The following SLC24A4 variants were observed in gnomAD, a reference collection of about 807,000 sequenced individuals.
SLC24A4 encodes the protein solute carrier family 24 member 4, also known as sodium/potassium/calcium exchanger 4.
Under a neutral mutation model 79.0 loss-of-function variants are expected in SLC24A4, and 53 were observed. The ratio of observed to expected loss-of-function variants is 0.67; its 90% CI spans 0.54 to 0.84. The LOEUF (loss-of-function observed/expected upper bound fraction) is 0.84, where lower values mean the gene tolerates loss of function less well. Ranked by LOEUF, SLC24A4 falls within the 40% of genes least tolerant of loss-of-function variation. The pLI is 0.00. For missense variants in SLC24A4, 731 were observed against 822.0 expected (o/e 0.89, Z 1.35); for synonymous variants, 323 against 323.8 (o/e 1.00, Z 0.03).
chr14:92,449,281 TACACAC>T (rs36228701), intron 10 of SLC24A4, 65 bp downstream of exon 10: 90,067 of 861,148 alleles, frequency 0.1, 1,190 homozygotes, highest in East Asian at 0.2. Flanking sequence ...CTCTTTTGTG[TACACAC>T]ACACACACAC....
intron 12 of SLC24A4, among the ~76,000 whole-genome samples, chr14:92,460,891 C>G (rs1893761739): frequency 6.6e-6 from 1 of 152,196 alleles, no homozygotes; most frequent in Admixed American, 6.5e-5. Context: ...TCGGTGCCCA[C>G]CTGGCCTGAT....
intron 2 of SLC24A4, among the ~76,000 whole-genome samples, chr14:92,405,994 T>G (rs1890353239): frequency 6.6e-6 from 1 of 152,212 alleles, no homozygotes; most frequent in African/African-American, 2.4e-5. Flanking sequence ...CCCTTCTGCC[T>G]ATGAGCCTGT....
At chr14:92,487,014 T>C (rs552938155) in intron 14 of SLC24A4, among the ~76,000 whole-genome samples, 1 of 152,094 alleles carries the variant, frequency 6.6e-6, no homozygotes, top group Non-Finnish European at 1.5e-5. Context: ...GCTAGTGTGG[T>C]TGTATAAAAA....
Position 92,323,867 on chromosome 14 carries a change from C to A in SLC24A4, c.37C>A (p.Arg13Ser). 1 of 1,600,724 alleles carries A rather than the reference C, an allele frequency of 6.2e-7. No individual in the cohort carries two copies. The highest frequency in any genetic ancestry group is 8.5e-7 in the Non-Finnish European group (1 of 1,178,652). Residue 13 changes from arginine (R) to serine (S), a missense_variant, in exon 1 of 17, where the codon CGC becomes AGC. Physicochemically the swap from Arg to Ser is moderately radical, Grantham distance 110. Transcript: ENST00000532405. This position sits in a 1 kb window ranked among gnomAD's most constrained non-coding sequence, Gnocchi z 4.9. ...CGGGACCCTCCGGCCGCTCAAAGTT[C>A]GCAGGAGGCGAGAGATGCTGCCGCA... ...LRGTLRPLKVRRRREMLPQQV... is the reference protein window; with the variant it reads ...LRGTLRPLKVSRRREMLPQQV...
intron 2 of SLC24A4, among the ~76,000 whole-genome samples, chr14:92,340,725 G>T (rs568988442): frequency 6.6e-6 from 1 of 152,224 alleles, no homozygotes; most frequent in East Asian, 1.9e-4. Flanking sequence ...TTCACCATCA[G>T]AAGCACAACC....
At position 92,447,544 on chromosome 14, in the gene SLC24A4, G is replaced by T. The variant is rs570443433; in HGVS notation, c.737+120G>T. ...TCTTTGTCCTTTTAGGCCAGCCCCA[G>T]CTCTCTGGTAGACACCCTGCTGGGG... On this transcript the variant is annotated intron_variant, in intron 9 of 16. Coordinates refer to ENST00000532405, the MANE Select transcript of SLC24A4 (RefSeq NM_153646.4). The T allele has an allele frequency of 1.2e-4, 114 of 957,680 alleles. No homozygotes were observed. The East Asian group carries it at 2.8e-3, about 24-fold the overall frequency. 59.3% of individuals were successfully genotyped at this position (957,680 alleles called of 1,614,324 possible).
chr14:92,350,305 G>A (rs755674114), intron 2 of SLC24A4, among the ~76,000 whole-genome samples: 3 of 152,152 alleles, frequency 2.0e-5, no homozygotes, highest in Admixed American at 6.5e-5. Flanking sequence ...CTATACAGAT[G>A]TACAACCCTC....
At chr14:92,492,619 GTCC>G (rs1457464521) in intron 16 of SLC24A4, among the ~76,000 whole-genome samples, 1 of 152,112 alleles carries the variant, frequency 6.6e-6, no homozygotes, top group Non-Finnish European at 1.5e-5. Context: ...TACCCTACAT[GTCC>G]AGGTCTGTGC....
chr14:92,334,372 TACAA>T (rs1045300534), intron 2 of SLC24A4, among the ~76,000 whole-genome samples: 3 of 152,092 alleles, frequency 2.0e-5, no homozygotes, highest in African/African-American at 7.2e-5. Context: ...CCAATGTGAT[TACAA>T]ACAAAGGCTG....
rs1457133768 is a variant in SLC24A4, at chr14:92,353,829, G to A, written c.241+27851G>A. ...CATCTTGAGTGTTCAGTTCCCTGAAGCAGCTGTAAACCTGTAGCAGAGCAT... is the reference window on the plus strand; with the variant it reads ...CATCTTGAGTGTTCAGTTCCCTGAAACAGCTGTAAACCTGTAGCAGAGCAT... On this transcript the variant is annotated intron_variant, in intron 2 of 16. Coordinates refer to ENST00000532405, the MANE Select transcript of SLC24A4 (RefSeq NM_153646.4). This position sits in a 1 kb window ranked among gnomAD's most constrained non-coding sequence, Gnocchi z 4.1. Among the ~76,000 whole-genome samples the A allele has an allele frequency of 6.6e-6, 1 of 152,214 alleles. No individual in the cohort carries two copies.
intron 2 of SLC24A4, among the ~76,000 whole-genome samples, chr14:92,361,766 G>T (rs1887541471): frequency 6.6e-6 from 1 of 152,108 alleles, no homozygotes; most frequent in East Asian, 1.9e-4. Context: ...GGGCAGGATG[G>T]TGGGCGCTGG....
At chr14:92,383,503 C>G (rs1238819824) in intron 2 of SLC24A4, among the ~76,000 whole-genome samples, 1 of 152,190 alleles carries the variant, frequency 6.6e-6, no homozygotes, top group Admixed American at 6.5e-5. Context: ...GCGGGACCTC[C>G]CCTCCTTTGG....
intron 2 of SLC24A4, among the ~76,000 whole-genome samples, chr14:92,413,972 A>G (rs1322841013): frequency 1.3e-5 from 2 of 152,184 alleles, no homozygotes; most frequent in Non-Finnish European, 2.9e-5. Flanking sequence ...CCAGCCACCC[A>G]GTTTTGATAG....
At chr14:92,460,356 G>A (rs1893730679) in intron 12 of SLC24A4, among the ~76,000 whole-genome samples, 1 of 152,178 alleles carries the variant, frequency 6.6e-6, no homozygotes, top group East Asian at 1.9e-4. Flanking sequence ...TCTGTGCACT[G>A]TGTCTGGCAC....
intron 12 of SLC24A4, among the ~76,000 whole-genome samples, chr14:92,467,875 C>T (rs1489618036): frequency 6.6e-6 from 1 of 152,194 alleles, no homozygotes; most frequent in Non-Finnish European, 1.5e-5. Flanking sequence ...CAGCAAAACT[C>T]AGCATCCCCC....
chr14:92,414,899 T>C (rs1479444573), intron 2 of SLC24A4, among the ~76,000 whole-genome samples: 1 of 152,220 alleles, frequency 6.6e-6, no homozygotes, highest in African/African-American at 2.4e-5. Flanking sequence ...CCCAGAATCA[T>C]GTTAGAGAAC....
At chr14:92,483,028 C>T (rs149456682) in intron 13 of SLC24A4, among the ~76,000 whole-genome samples, 182 bp downstream of exon 13, 7 of 152,100 alleles carry the variant, frequency 4.6e-5, no homozygotes, top group African/African-American at 7.2e-5. Flanking sequence ...GTCAGGTACC[C>T]GGAATGCAGA....
At chr14:92,322,717 G>C (rs1396458384), upstream of SLC24A4, 1 of 152,504 alleles carries the variant, frequency 6.6e-6, no homozygotes, top group Non-Finnish European at 1.5e-5. Flanking sequence ...GCTCGTGTTG[G>C]CTTGGTGCAA....
At position 92,456,380 on chromosome 14, in the gene SLC24A4, C is replaced by T. The variant is rs754587367; in HGVS notation, c.1051-24C>T. On this transcript the variant is annotated intron_variant, in intron 11 of 16. Coordinates refer to ENST00000532405, the MANE Select transcript of SLC24A4 (RefSeq NM_153646.4). Reference sequence around the variant, plus strand: ...GATGCTTTATCACATGCCTTGGTGTCCATGTTGCCTCCTGTCCACACAGCG... The same window carrying T: ...GATGCTTTATCACATGCCTTGGTGTTCATGTTGCCTCCTGTCCACACAGCG... 5.6e-6 allele frequency: 9 copies of T among 1,612,798 alleles called. No homozygotes were observed. In the South Asian group the frequency reaches 8.8e-5, roughly 16 times the overall value.
Sources: gnomAD v4.1 joint callset for allele counts (sites outside exome capture counted in the v4.1 genomes callset) on GRCh38, gnomAD v4.1.1 for gene constraint, Gnocchi (gnomAD v3.1) non-coding constraint, MANE v1.5 for transcripts, NCBI Gene and HGNC (gene_info 2026-07-23, HGNC 2026-07-21) for gene names.